Variants in DHX37 observed in about 807,000 individuals in gnomAD.
DHX37 encodes the protein probable ATP-dependent RNA helicase DHX37.
DHX37 carries 52 observed loss-of-function variants against 134.3 expected under a neutral mutation model. That is an observed-to-expected ratio of 0.39 (90% CI 0.31 to 0.49). DHX37 has a LOEUF of 0.49. DHX37 is among the 20% of genes least tolerant of loss of function. The pLI is 0.93. For synonymous variants in DHX37, 634 were observed against 670.7 expected, an observed-to-expected ratio of 0.95 and a Z score of 0.85; for missense variants, 1,344 against 1,580.8, an observed-to-expected ratio of 0.85 and a Z score of 2.54.
chr12:124,968,990 G>A lies in DHX37; in HGVS notation c.1192-22C>T, dbSNP rs778598159. ...TCCTCTGCAAAAGGACAGGCTCAGT[G>A]ACCGTGGCCCCAGGACCGCAGGTGG... is the stretch of plus-strand genomic sequence containing the variant. On this transcript the variant is annotated intron_variant, in intron 8 of 26. Transcript: ENST00000308736. 7 of 1,610,150 alleles carry A rather than the reference G, an allele frequency of 4.3e-6. 1 individual carries two copies. In the South Asian group the frequency reaches 7.7e-5, roughly 18 times the overall value.
chr12:124,987,234 A>G (rs1954891774), intron 1 of DHX37, among the ~76,000 whole-genome samples: 2 of 152,180 alleles, frequency 1.3e-5, no homozygotes, highest in Admixed American at 6.5e-5. Flanking sequence ...TCCCAGCTAC[A>G]CAGGAGGCTG....
intron 20 of DHX37, 24 bp downstream of exon 20, chr12:124,953,856 C>G (rs770567940): frequency 6.2e-7 from 1 of 1,605,598 alleles, no homozygotes; most frequent in Admixed American, 1.7e-5. Context: ...CCGGGTGCAG[C>G]GGCGTGCCGG....
chr12:124,980,249 G>T lies in DHX37; in HGVS notation c.738+241C>A, dbSNP rs1364144497. Among the ~76,000 whole-genome samples the T allele has an allele frequency of 6.6e-6, 1 of 152,256 alleles. No homozygotes were observed. The highest frequency in any genetic ancestry group is 1.9e-4 in the East Asian group (1 of 5,194). Reference sequence around the variant, plus strand: ...GGGCAGTGGCGATGAAGCTACTGCCGCCGACCTCCAGGGCCCCGAGCCTGC... The same window carrying T: ...GGGCAGTGGCGATGAAGCTACTGCCTCCGACCTCCAGGGCCCCGAGCCTGC... On this transcript the variant is annotated intron_variant, in intron 4 of 26. Coordinates refer to ENST00000308736, the MANE Select transcript of DHX37 (RefSeq NM_032656.4). The surrounding 1 kb of genome is among the most constrained non-coding windows in gnomAD (Gnocchi z 5.3).
At chr12:124,986,437 G>A (rs114076288) in intron 1 of DHX37, among the ~76,000 whole-genome samples, 172 bp from the exon 2 acceptor site, 5,066 of 152,120 alleles carry the variant, frequency 0.033, 283 homozygotes, top group African/African-American at 0.11. Context: ...AAGGCTTGGC[G>A]CAGGGGCTCA....
chr12:124,971,260 G>C, intron 8 of DHX37, 42 bp downstream of exon 8: 1 of 1,593,338 alleles, frequency 6.3e-7, no homozygotes, highest in Non-Finnish European at 8.5e-7. Flanking sequence ...GCTGGGGGGG[G>C]CCTAGGGCTC....
chr12:124,985,477 CTG>C (rs1954849179), intron 2 of DHX37, among the ~76,000 whole-genome samples: 1 of 151,678 alleles, frequency 6.6e-6, no homozygotes. Context: ...TGGTTCACGC[CTG>C]TAATCCCAGC....
intron 15 of DHX37, among the ~76,000 whole-genome samples, chr12:124,962,438 C>G (rs188629862): frequency 1.3e-5 from 2 of 151,884 alleles, no homozygotes; most frequent in Admixed American, 1.3e-4. Context: ...GGTGGATCAC[C>G]TGAGGTCAGG....
chr12:124,961,007 T>C (rs984261290), intron 15 of DHX37, among the ~76,000 whole-genome samples: 3 of 152,246 alleles, frequency 2.0e-5, no homozygotes, highest in Non-Finnish European at 4.4e-5. Context: ...CAGGGGATGG[T>C]GCATAGCACT....
At chr12:124,951,036 C>T (rs896713823) in intron 21 of DHX37, among the ~76,000 whole-genome samples, 9 of 152,256 alleles carry the variant, frequency 5.9e-5, no homozygotes, top group African/African-American at 1.2e-4. Flanking sequence ...TCTGGGAGGC[C>T]GAGGAGGGTG....
At chr12:124,961,264 A>ACATACACACGTGCACGCACACACACACT (rs529082353) in intron 15 of DHX37, among the ~76,000 whole-genome samples, 3 of 125,128 alleles carry the variant, frequency 2.4e-5, no homozygotes, top group African/African-American at 4.7e-5. Flanking sequence ...ACGCACACAC[A>ACATACACACGTGCACGCACACACACACT]TACACGCGTG....
intron 25 of DHX37, chr12:124,948,413 G>A: frequency 2.9e-6 from 2 of 696,620 alleles, no homozygotes; most frequent in Middle Eastern, 4.1e-4. Context: ...CTGCACCACT[G>A]CACTCCAGCC....
chr12:124,954,983 G>A (rs945033631), intron 18 of DHX37, among the ~76,000 whole-genome samples: 11 of 152,212 alleles, frequency 7.2e-5, no homozygotes, highest in African/African-American at 2.2e-4. Flanking sequence ...GAATGGCAGA[G>A]AGAGATTCGA....
At chr12:124,987,427 G>A (rs1954896238) in intron 1 of DHX37, among the ~76,000 whole-genome samples, 1 of 152,178 alleles carries the variant, frequency 6.6e-6, no homozygotes, top group Non-Finnish European at 1.5e-5. Context: ...GGGATACATG[G>A]AAATGTCCTG....
chr12:124,961,234 A>G (rs1388978500), intron 15 of DHX37, among the ~76,000 whole-genome samples: 33 of 77,876 alleles, frequency 4.2e-4, no homozygotes, highest in Non-Finnish European at 7.3e-4. Context: ...GCACGCACAC[A>G]CACATACACG....
In DHX37 at chr12:124,971,421, G is replaced by T; in HGVS notation, c.1078-6C>A. The T allele has an allele frequency of 6.2e-7, 1 of 1,612,486 alleles. No homozygotes were observed. The highest frequency in any genetic ancestry group is 8.5e-7 in the Non-Finnish European group (1 of 1,179,738). ...TACCGCAGCAGCAGGAAGTCCTGGG[G>T]GGAGGTCCGGGGTGAGGCCCACCCT... On this transcript the variant is annotated splice_region_variant and splice_polypyrimidine_tract_variant and intron_variant, in intron 7 of 26. Coordinates refer to ENST00000308736, the MANE Select transcript of DHX37 (RefSeq NM_032656.4).
chr12:124,971,989 C>T (rs4237989), intron 7 of DHX37, among the ~76,000 whole-genome samples: 104,606 of 152,186 alleles, frequency 0.69, 36,415 homozygotes, highest in East Asian at 0.85. Context: ...GGCCAGGGAC[C>T]GTGAAGACGC....
chr12:124,964,289 G>T, intron 15 of DHX37, 105 bp downstream of exon 15: 1 of 1,545,510 alleles, frequency 6.5e-7, no homozygotes, highest in African/African-American at 1.4e-5. Context: ...GGCAGGACAC[G>T]GAACATACTA....
intron 8 of DHX37, 27 bp from the exon 9 acceptor site, chr12:124,968,995 T>A: frequency 1.9e-6 from 3 of 1,607,084 alleles, no homozygotes; most frequent in Non-Finnish European, 2.5e-6. Flanking sequence ...TCAGTGACCG[T>A]GGCCCCAGGA....
intron 6 of DHX37, among the ~76,000 whole-genome samples, chr12:124,974,187 C>T (rs976180401): frequency 2.0e-5 from 3 of 151,902 alleles, no homozygotes; most frequent in South Asian, 4.2e-4. Context: ...ATCTCCTGAC[C>T]TCATGATCCA....
Sources: gnomAD v4.1 joint callset for allele counts (sites outside exome capture counted in the v4.1 genomes callset) on GRCh38, gnomAD v4.1.1 for gene constraint, Gnocchi (gnomAD v3.1) non-coding constraint, MANE v1.5 for transcripts, NCBI Gene and HGNC (gene_info 2026-07-23, HGNC 2026-07-21) for gene names.